Variants in SCAMP2 observed in about 807,000 individuals in gnomAD.
SCAMP2 encodes the protein secretory carrier-associated membrane protein 2.
In SCAMP2, 25 loss-of-function variants were observed where a neutral mutation model predicts 44.1. The ratio of observed to expected loss-of-function variants is 0.57; its 90% CI spans 0.41 to 0.79. SCAMP2 has a LOEUF of 0.79. Among genes scored for constraint, SCAMP2 ranks in the 30% least tolerant of loss-of-function variants. The pLI, the probability that SCAMP2 is intolerant of heterozygous loss-of-function variation, is 0.00. For synonymous variants in SCAMP2, 156 were observed against 166.0 expected (o/e 0.94, Z 0.46); for missense variants, 355 against 411.0 (o/e 0.86, Z 1.18).
At chr15:74,856,202 C>T (rs2064467656) in intron 1 of SCAMP2, among the ~76,000 whole-genome samples, 1 of 151,316 alleles carries the variant, frequency 6.6e-6, no homozygotes, top group African/African-American at 2.4e-5. Flanking sequence ...AATTATTAAA[C>T]CAGATGCTCC....
intron 1 of SCAMP2, among the ~76,000 whole-genome samples, chr15:74,865,500 G>A (rs2064536595): frequency 6.6e-6 from 1 of 151,894 alleles, no homozygotes; most frequent in African/African-American, 2.4e-5. Flanking sequence ...GAGAGGATCC[G>A]AGAAGATATT....
intron 1 of SCAMP2, 165 bp downstream of exon 1, chr15:74,873,034 G>T (rs2064587713): frequency 3.5e-6 from 2 of 567,432 alleles, no homozygotes; most frequent in South Asian, 2.8e-5. Flanking sequence ...GCTGCTAGTC[G>T]CGCCCCTCAC....
intron 1 of SCAMP2, 51 bp downstream of exon 1, chr15:74,873,148 C>T (rs1316549680): frequency 1.4e-6 from 2 of 1,385,552 alleles, no homozygotes; most frequent in Non-Finnish European, 1.9e-6. Flanking sequence ...CGGGCGGCGG[C>T]CGTGGGCCCT....
chr15:74,856,494 T>TGAACTCCTGGCCTC (rs1411991139), intron 1 of SCAMP2, among the ~76,000 whole-genome samples: 1 of 151,732 alleles, frequency 6.6e-6, no homozygotes, highest in Non-Finnish European at 1.5e-5. Context: ...AAGCTGGTCT[T>TGAACTCCTGGCCTC]GAACTCCTGG....
intron 3 of SCAMP2, chr15:74,852,987 A>C (rs527718760): frequency 6.3e-6 from 1 of 158,630 alleles, no homozygotes; most frequent in African/African-American, 2.4e-5. Flanking sequence ...AGTCCTTTTT[A>C]GGGAGAGATC....
chr15:74,853,742 C>A, intron 3 of SCAMP2: 2 of 518,642 alleles, frequency 3.9e-6, no homozygotes, highest in Non-Finnish European at 7.0e-6. Context: ...AGGGGTACAA[C>A]AGGGACAAAT....
At chr15:74,852,524 G>A (rs1417655844) in intron 3 of SCAMP2, 1 of 217,918 alleles carries the variant, frequency 4.6e-6, no homozygotes, top group Non-Finnish European at 9.0e-6. Flanking sequence ...TGACCTTTGG[G>A]AAAAAGACCT....
At chr15:74,854,248 C>G in intron 2 of SCAMP2, 129 bp from the exon 3 acceptor site, 1 of 857,798 alleles carries the variant, frequency 1.2e-6, no homozygotes. Flanking sequence ...CTGCACTGGG[C>G]CTTCCCCTGT....
chr15:74,861,480 T>TAGG (rs2064502859), intron 1 of SCAMP2, among the ~76,000 whole-genome samples: 1 of 152,038 alleles, frequency 6.6e-6, no homozygotes, highest in African/African-American at 2.4e-5. Context: ...GGACTTACAA[T>TAGG]AGGAGAAAAA....
intron 7 of SCAMP2, among the ~76,000 whole-genome samples, chr15:74,846,846 C>T (rs1475140642): frequency 1.3e-5 from 2 of 152,240 alleles, no homozygotes; most frequent in African/African-American, 4.8e-5. Context: ...CGTGGCTGCT[C>T]ACTCCTGAGG....
intron 1 of SCAMP2, among the ~76,000 whole-genome samples, chr15:74,860,598 G>A (rs2064497005): frequency 6.7e-6 from 1 of 150,082 alleles, no homozygotes; most frequent in African/African-American, 2.4e-5. Flanking sequence ...TGAGGCAGGA[G>A]AATCGCTTGA....
intron 1 of SCAMP2, 131 bp from the exon 2 acceptor site, chr15:74,854,780 G>T: frequency 2.7e-6 from 2 of 741,452 alleles, no homozygotes; most frequent in Non-Finnish European, 4.6e-6. Context: ...AGCCTCTCTG[G>T]AAGGGTCCTG....
intron 1 of SCAMP2, among the ~76,000 whole-genome samples, chr15:74,861,439 A>G (rs778744464): frequency 6.6e-6 from 1 of 152,166 alleles, no homozygotes; most frequent in Non-Finnish European, 1.5e-5. Flanking sequence ...ACATGTAAAA[A>G]TCTGTACCTG....
intron 3 of SCAMP2, chr15:74,853,292 C>A: frequency 2.4e-6 from 1 of 418,844 alleles, no homozygotes. Flanking sequence ...CTCCACAGGG[C>A]TCTGGGGCCT....
rs1225845231 is a variant in SCAMP2, at chr15:74,845,553, G to A, written c.775C>T (p.Leu259=). The part of the protein sequence containing the change: ...AALSTLDNHS[L]AISVIMMVVA... The stretch of plus-strand genomic sequence containing the variant: ...ACCATCATGATGACTGATATGGCCA[G>A]GGAATGATTATCCAGTGTAGACAGG... The change falls in exon 8 of 9, where the codon CTG becomes TTG. Residue 259 remains leucine, a synonymous_variant. Coordinates refer to ENST00000268099, the MANE Select transcript of SCAMP2 (RefSeq NM_005697.5). The A allele has an allele frequency of 6.2e-7, 1 of 1,614,170 alleles. No individual in the cohort carries two copies. Among genetic ancestry groups the A allele is most frequent in the Non-Finnish European group, 8.5e-7 (1 of 1,180,028 alleles).
chr15:74,867,481 A>G (rs1263700360), intron 1 of SCAMP2, among the ~76,000 whole-genome samples: 1 of 152,230 alleles, frequency 6.6e-6, no homozygotes, highest in Non-Finnish European at 1.5e-5. Flanking sequence ...AGCTGTCTGT[A>G]GTCACAGTGA....
rs1596412338 is a variant in SCAMP2 at position 74,845,151 on chromosome 15, T to C, written c.922A>G (p.Ile308Val). The change falls in exon 9 of 9, where the codon ATC becomes GTC. Residue 308 changes from isoleucine (I) to valine (V), a missense_variant. Physicochemically the swap from Ile to Val is conservative, Grantham distance 29. Coordinates refer to ENST00000268099, the MANE Select transcript of SCAMP2 (RefSeq NM_005697.5). ...QQAQEEFSQG[I>V]FSSRTFHRAA... ...CTGTGGAAGGTTCTGCTGCTGAAGA[T>C]GCCCTGGGAAAACTCCTCCTGGGCC... is the stretch of plus-strand genomic sequence containing the variant. The C allele has an allele frequency of 2.5e-6, 4 of 1,613,994 alleles. No homozygotes were observed. In the East Asian group the frequency reaches 6.7e-5, roughly 27 times the overall value.
rs749444721 is a variant in SCAMP2 at position 74,845,593 on chromosome 15, G to A, written c.735C>T (p.Ser245=). ...GTGTAGACAGGGCTGCAATCCAACC[G>A]CTATAAAGGGAAGAAGAGGCCAGAG... ...QLVGIPGLGD[S]GWIAALSTLD... The change falls in exon 8 of 9, where the codon AGC becomes AGT. Residue 245 remains serine (S), a splice_region_variant and synonymous_variant. Coordinates refer to ENST00000268099, the MANE Select transcript of SCAMP2 (RefSeq NM_005697.5). 1.2e-5 allele frequency: 19 copies of A among 1,613,810 alleles called. No individual in the cohort carries two copies. Among genetic ancestry groups the A allele is most frequent in the African/African-American group, 5.3e-5 (4 of 75,058 alleles).
chr15:74,858,642 G>A (rs930349641), intron 1 of SCAMP2, among the ~76,000 whole-genome samples: 3 of 151,988 alleles, frequency 2.0e-5, no homozygotes, highest in Non-Finnish European at 4.4e-5. Flanking sequence ...ACACAAGATG[G>A]TAAAGCTGAG....
Sources: gnomAD v4.1 joint callset for allele counts (sites outside exome capture counted in the v4.1 genomes callset) on GRCh38, gnomAD v4.1.1 for gene constraint, MANE v1.5 for transcripts, NCBI Gene and HGNC (gene_info 2026-07-23, HGNC 2026-07-21) for gene names.